NUP54: variants seen among roughly 807,000 people sequenced by gnomAD.
NUP54 encodes the protein nucleoporin 54, also known as nucleoporin p54.
In NUP54, 27 loss-of-function variants were observed where a neutral mutation model predicts 66.4. That is an observed-to-expected ratio of 0.41 (90% CI 0.30 to 0.56). The LOEUF is 0.56. Ranked by LOEUF, NUP54 falls within the 20% of genes least tolerant of loss-of-function variation. The pLI, the probability that NUP54 is intolerant of heterozygous loss-of-function variation, is 0.34. For missense variants in NUP54, 486 were observed against 596.3 expected (o/e 0.82, Z 1.93); for synonymous variants, 206 against 210.7 (o/e 0.98, Z 0.19).
intron 3 of NUP54, among the ~76,000 whole-genome samples, chr4:76,140,338 T>C (rs1731215871): frequency 1.4e-5 from 2 of 147,744 alleles, no homozygotes; most frequent in South Asian, 4.3e-4. Context: ...CAGGCTGGAG[T>C]CCAGTGGTGC....
rs1463560648 is a variant in NUP54 at position 76,148,294 on chromosome 4, G to A, written c.67+14C>T. 1 of 1,478,974 alleles carries A rather than the reference G, an allele frequency of 6.8e-7. No individual in the cohort carries two copies. The highest frequency in any genetic ancestry group is 1.4e-5 in the African/African-American group (1 of 70,326). The allele number at this position is 1,478,974 out of a possible 1,614,324, so 91.6% of individuals were successfully genotyped here. On this transcript the variant is annotated intron_variant, in intron 1 of 11. Transcript: ENST00000264883. ...CCCCTTCTTCCCGGGTGAAGGTCTA[G>A]GGGGATCACTCACCCGCGGGGGCCG... is the stretch of plus-strand genomic sequence containing the variant.
In NUP54 at chr4:76,134,470, C is replaced by T. The variant is rs375409817; in HGVS notation, c.523-108G>A. Reference sequence around the variant, plus strand: ...TAAAATGGGAAAAACAACTTAATGTCTGGTAATTAAGGGAATAATGATTCT... The same window carrying T: ...TAAAATGGGAAAAACAACTTAATGTTTGGTAATTAAGGGAATAATGATTCT... On this transcript the variant is annotated intron_variant, in intron 4 of 11. Coordinates refer to ENST00000264883, the MANE Select transcript of NUP54 (RefSeq NM_017426.4). The T allele has an allele frequency of 5.3e-4, 468 of 891,004 alleles. 3 individuals are homozygous for T. The African/African-American group carries it at 7.2e-3, about 14-fold the overall frequency. 55.2% of individuals were successfully genotyped at this position (891,004 alleles called of 1,614,324 possible). A position where few individuals can be genotyped will look rare whatever the true frequency, so the allele number is the denominator to read the frequency against.
At chr4:76,121,730 T>C (rs894428677) in intron 9 of NUP54, among the ~76,000 whole-genome samples, 10 of 152,260 alleles carry the variant, frequency 6.6e-5, no homozygotes, top group East Asian at 1.9e-4. Context: ...TAAATACCTA[T>C]ACTTTCCTCA....
intron 7 of NUP54, 181 bp from the exon 8 acceptor site, chr4:76,130,930 A>G: frequency 6.6e-6 from 4 of 610,114 alleles, no homozygotes; most frequent in Non-Finnish European, 8.7e-6. Flanking sequence ...CCTATTTTAC[A>G]AATGAGGAAA....
chr4:76,115,265 T>C lies in NUP54; in HGVS notation c.*101A>G, dbSNP rs1729897598. ...CTCAAAAAACCAATCCAAGAAAGAA[T>C]TGTTTTCTTTTTCCCTCCATGTGGT... On this transcript the variant is annotated 3_prime_UTR_variant, in exon 12 of 12. Transcript: ENST00000264883. 1 of 1,064,220 alleles carries C rather than the reference T, an allele frequency of 9.4e-7. No homozygotes were observed. The highest frequency in any genetic ancestry group is 1.6e-5 in the African/African-American group (1 of 61,098). The allele number at this position is 1,064,220 out of a possible 1,614,324, so 65.9% of individuals were successfully genotyped here.
rs1421609391 is a variant in NUP54, at chr4:76,134,190, G to C, written c.695C>G (p.Thr232Arg). 1.2e-6 allele frequency: 2 copies of C among 1,611,278 alleles called. No homozygotes were observed. The highest frequency in any genetic ancestry group is 1.7e-6 in the Non-Finnish European group (2 of 1,177,872). Residue 232 changes from threonine to arginine, a missense_variant, in exon 5 of 12, where the codon ACA becomes AGA. By Grantham distance (71) the Thr-to-Arg change is moderately conservative (BLOSUM62 -1). Around this residue, in one of 4 missense-constraint regions of NUP54, gnomAD observed 217 missense variants for 247.9 expected, o/e 0.88. Coordinates refer to ENST00000264883, the MANE Select transcript of NUP54 (RefSeq NM_017426.4). ...TLTVNVEGTK[T>R]LPDDQTEVVI... ...GTATACTTACTGATCATCTGGCAAT[G>C]TTTTAGTGCCCTCTACATTTACAGT...
intron 8 of NUP54, among the ~76,000 whole-genome samples, chr4:76,129,067 T>G (rs1730665394): frequency 6.6e-6 from 1 of 152,194 alleles, no homozygotes; most frequent in Non-Finnish European, 1.5e-5. Flanking sequence ...TTCAAATAGC[T>G]ATAGGAGTGA....
At chr4:76,148,114 G>A (rs887849455) in intron 1 of NUP54, 194 bp downstream of exon 1, 4 of 434,834 alleles carry the variant, frequency 9.2e-6, no homozygotes, top group Admixed American at 8.3e-5. Flanking sequence ...CTTCTAGTGG[G>A]ACCCCGAGTA....
At chr4:76,139,021 T>C (rs1020863681) in intron 3 of NUP54, among the ~76,000 whole-genome samples, 1 of 152,222 alleles carries the variant, frequency 6.6e-6, no homozygotes, top group African/African-American at 2.4e-5. Context: ...AACTCCTTTT[T>C]ACAAAAATTG....
At chr4:76,141,216 G>T (rs1485943182) in intron 3 of NUP54, among the ~76,000 whole-genome samples, 1 of 152,108 alleles carries the variant, frequency 6.6e-6, no homozygotes, top group Non-Finnish European at 1.5e-5. Context: ...AATGCTGCTC[G>T]CTAATTTATG....
chr4:76,139,350 A>G (rs62300621), intron 3 of NUP54, among the ~76,000 whole-genome samples: 20,025 of 152,262 alleles, frequency 0.13, 1,548 homozygotes, highest in East Asian at 0.35. Flanking sequence ...ACACAGCACC[A>G]CTTGCAAAAT....
chr4:76,146,837 T>A lies in NUP54; in HGVS notation c.67+1471A>T, dbSNP rs148608045. Among the ~76,000 whole-genome samples the A allele has an allele frequency of 3.5e-3, 534 of 152,350 alleles. 2 individuals are homozygous for A. The highest frequency in any genetic ancestry group is 0.012 in the African/African-American group (507 of 41,582). ...CTTTTTGAATGCAAAGACGTCTAGC[T>A]TACCTTTTAGAATTCGATGCTATAT... is the stretch of plus-strand genomic sequence containing the variant. On this transcript the variant is annotated intron_variant, in intron 1 of 11. Coordinates refer to ENST00000264883, the MANE Select transcript of NUP54 (RefSeq NM_017426.4).
chr4:76,146,185 G>A, intron 1 of NUP54: 1 of 404,186 alleles, frequency 2.5e-6, no homozygotes, highest in Non-Finnish European at 4.9e-6. Flanking sequence ...CTTTGCTGAA[G>A]GTTAACACAT....
intron 8 of NUP54, 146 bp from the exon 9 acceptor site, chr4:76,124,902 A>G (rs1730401126): frequency 2.0e-6 from 1 of 490,856 alleles, no homozygotes; most frequent in South Asian, 3.5e-5. Flanking sequence ...TCTGTGCTTT[A>G]TATTTCTTCC....
intron 8 of NUP54, among the ~76,000 whole-genome samples, chr4:76,126,468 G>C (rs1021061083): frequency 8.5e-5 from 13 of 152,240 alleles, no homozygotes; most frequent in African/African-American, 3.1e-4. Context: ...GACAAAATTA[G>C]GTGGCCATGT....
Position 76,133,866 on chromosome 4 carries a change from G to GTAA in NUP54, c.710+306_710+308dup, listed in dbSNP as rs1321485921. ...ATTTATTCATGAATGAACATGAACA[G>GTAA]TAATGAGTTAATAACATTTTCCAAT... On this transcript the variant is annotated intron_variant, in intron 5 of 11. Transcript: ENST00000264883. 3.3e-5 allele frequency among the ~76,000 whole-genome samples: 5 copies of GTAA among 152,244 alleles called. No homozygotes were observed. The East Asian group carries it at 9.6e-4, about 29-fold the overall frequency.
At position 76,117,730 on chromosome 4, in the gene NUP54, A is replaced by T; in HGVS notation, c.1329T>A (p.His443Gln). The change falls in exon 11 of 12, where the codon CAT becomes CAA. Residue 443 changes from histidine (H) to glutamine (Q), a missense_variant. This residue lies in a region of NUP54 where 83 missense variants were observed against 128.6 expected (regional missense o/e 0.65). Transcript: ENST00000264883. ...ELMSQIRMQN[H>Q]FGAVRSEERY... ...TTTCTTCAGATCTGACTGCTCCAAA[A>T]TGATTCTGCATCCTGATTTGAGACA... 6.2e-7 allele frequency: 1 copy of T among 1,614,060 alleles called. No individual in the cohort carries two copies. Among genetic ancestry groups the T allele is most frequent in the Non-Finnish European group, 8.5e-7 (1 of 1,179,956 alleles).
intron 3 of NUP54, among the ~76,000 whole-genome samples, chr4:76,142,642 G>C (rs1179574898): frequency 6.6e-6 from 1 of 152,128 alleles, no homozygotes; most frequent in Non-Finnish European, 1.5e-5. Context: ...AATCCATACA[G>C]AACAACCCCT....
At chr4:76,128,367 C>T (rs80278496) in intron 8 of NUP54, among the ~76,000 whole-genome samples, 19,638 of 142,240 alleles carry the variant, frequency 0.14, 1,524 homozygotes, top group East Asian at 0.36. Flanking sequence ...TGCTCTAAGA[C>T]TTGAAATAAT....
Sources: allele counts gnomAD v4.1 joint callset (sites outside exome capture counted in the v4.1 genomes callset), GRCh38; gene constraint gnomAD v4.1.1; regional missense constraint gnomAD v4.1.1; transcripts MANE v1.5; gene names NCBI Gene and HGNC (gene_info 2026-07-23, HGNC 2026-07-21).